The following GCLC variants were observed in gnomAD, a reference collection of about 807,000 sequenced individuals.
GCLC encodes the protein glutamate--cysteine ligase catalytic subunit.
In GCLC, 30 loss-of-function variants were observed where a neutral mutation model predicts 81.5. The observed-to-expected ratio is 0.37, with a 90% CI of 0.28 to 0.50. The LOEUF is 0.50. GCLC is among the 20% of genes least tolerant of loss of function. The probability of loss-of-function intolerance (pLI) is 0.96; values close to 1 mark genes in which losing one functional copy is unlikely to be tolerated. For synonymous variants in GCLC, 262 were observed against 273.3 expected, an observed-to-expected ratio of 0.96 and a Z score of 0.41; for missense variants, 556 against 777.4, an observed-to-expected ratio of 0.72 and a Z score of 3.39.
intron 3 of GCLC, among the ~76,000 whole-genome samples, chr6:53,518,049 T>C (rs1402529985): frequency 6.6e-6 from 1 of 152,212 alleles, no homozygotes; most frequent in Admixed American, 6.5e-5. Context: ...CTTTATCATT[T>C]ATTGTGGATG....
chr6:53,527,307 G>T (rs1031615050), intron 1 of GCLC, among the ~76,000 whole-genome samples: 5 of 152,212 alleles, frequency 3.3e-5, no homozygotes, highest in African/African-American at 1.2e-4. Flanking sequence ...TGGCTCTCTT[G>T]CAATGGCCCA....
chr6:53,508,488 A>G (rs1489929823), intron 8 of GCLC, 107 bp downstream of exon 8: 1 of 788,628 alleles, frequency 1.3e-6, no homozygotes, highest in Admixed American at 1.7e-5. Context: ...CTTTTTCCCC[A>G]TTTCAGATAA....
chr6:53,503,925 T>C (rs546447600), intron 12 of GCLC, among the ~76,000 whole-genome samples: 1 of 152,370 alleles, frequency 6.6e-6, no homozygotes, highest in African/African-American at 2.4e-5. Flanking sequence ...ACATCTGCTC[T>C]ACTGGTGAGA....
At position 53,519,574 on chromosome 6, in the gene GCLC, G is replaced by A. The variant is rs17879137; in HGVS notation, c.446+1204C>T. ...CAGCTCCACAGAGACAGAGCTGTCCGTCTTCACTCATGAGAGCATGCCCAT... is the reference window on the plus strand; with the variant it reads ...CAGCTCCACAGAGACAGAGCTGTCCATCTTCACTCATGAGAGCATGCCCAT... On this transcript the variant is annotated intron_variant, in intron 3 of 15. Coordinates refer to ENST00000650454, the MANE Select transcript of GCLC (RefSeq NM_001498.4). 1.9e-3 allele frequency among the ~76,000 whole-genome samples: 292 copies of A among 152,232 alleles called. 7 individuals carry two copies. In the East Asian group the frequency reaches 0.048, roughly 25 times the overall value.
chr6:53,522,525 C>T lies in GCLC; in HGVS notation c.153G>A (p.Val51=), dbSNP rs1379437614. 3.8e-6 allele frequency: 6 copies of T among 1,576,310 alleles called. No individual in the cohort carries two copies. Among genetic ancestry groups the T allele is most frequent in the Non-Finnish European group, 5.2e-6 (6 of 1,146,028 alleles). ...GATCAAAAGATACCAACATGTATTC[C>T]ACCTATTGAAAATAAAGGTGAGAAA... The part of the protein sequence containing the change: ...HKDVLKWGDE[V]EYMLVSFDHE... Residue 51 remains valine (V), a splice_region_variant and synonymous_variant, in exon 2 of 16, where the codon GTG becomes GTA. Transcript: ENST00000650454.
chr6:53,498,987 GAA>G lies in GCLC; in HGVS notation c.1703-22_1703-21del. ...GTTCTCCTGTGGGCGAGGGGGGAGC[GAA>G]AAAAAAATTAAAACCACGTAAGTTT... On this transcript the variant is annotated intron_variant, in intron 15 of 15. Coordinates refer to ENST00000650454, the MANE Select transcript of GCLC (RefSeq NM_001498.4). 1.3e-6 allele frequency: 2 copies of G among 1,492,966 alleles called. No individual in the cohort carries two copies. Among genetic ancestry groups the G allele is most frequent in the Non-Finnish European group, 1.8e-6 (2 of 1,087,068 alleles). The allele number at this position is 1,492,966 out of a possible 1,614,324, so 92.5% of individuals were successfully genotyped here. A position where few individuals can be genotyped will look rare whatever the true frequency, so the allele number is the denominator to read the frequency against.
intron 6 of GCLC, among the ~76,000 whole-genome samples, chr6:53,511,947 CT>C (rs535000790): frequency 0.032 from 3,583 of 113,502 alleles, 69 homozygotes; most frequent in African/African-American, 0.062. Context: ...GAACTTAGTG[CT>C]TTTTTTTTTT....
chr6:53,526,085 A>C (rs997742270), intron 1 of GCLC, among the ~76,000 whole-genome samples: 1 of 148,370 alleles, frequency 6.7e-6, no homozygotes, highest in Non-Finnish European at 1.5e-5. Flanking sequence ...ACCAGAATAA[A>C]AGTCATTAAT....
chr6:53,521,873 G>C (rs17886001), intron 2 of GCLC, among the ~76,000 whole-genome samples: 1,759 of 152,184 alleles, frequency 0.012, 34 homozygotes, highest in African/African-American at 0.04. Context: ...ACTCGGGAGG[G>C]TGAGGCAGGA....
chr6:53,533,132 T>G (rs1425882586), intron 1 of GCLC, among the ~76,000 whole-genome samples: 1 of 152,204 alleles, frequency 6.6e-6, no homozygotes, highest in Admixed American at 6.5e-5. Flanking sequence ...AAGTCATCAC[T>G]CATTCAGTTT....
In GCLC at chr6:53,506,016, A is replaced by G; in HGVS notation, c.1198-121T>C. On this transcript the variant is annotated intron_variant, in intron 10 of 15. Transcript: ENST00000650454. This position sits in a 1 kb window ranked among gnomAD's most constrained non-coding sequence, Gnocchi z 4.0. ...TGTCCATACCAAATTTCAATTGACAAAGACAAAAAGGTACAATTGAAGATT... is the reference window on the plus strand; with the variant it reads ...TGTCCATACCAAATTTCAATTGACAGAGACAAAAAGGTACAATTGAAGATT... 1.4e-6 allele frequency: 1 copy of G among 723,646 alleles called. No homozygotes were observed. Among genetic ancestry groups the G allele is most frequent in the African/African-American group, 1.7e-5 (1 of 57,438 alleles). 44.8% of individuals were successfully genotyped at this position (723,646 alleles called of 1,614,324 possible).
intron 1 of GCLC, among the ~76,000 whole-genome samples, chr6:53,522,950 T>G (rs17882613): frequency 1.3e-5 from 2 of 152,252 alleles, no homozygotes; most frequent in South Asian, 2.1e-4. Flanking sequence ...AGATTACACT[T>G]ACTTACTGGC....
rs527245202 is a variant in GCLC at position 53,515,484 on chromosome 6, G to A, written c.560+625C>T. Among the ~76,000 whole-genome samples the A allele has an allele frequency of 2.6e-5, 4 of 152,370 alleles. No homozygotes were observed. The South Asian group carries it at 6.2e-4, about 24-fold the overall frequency. ...AAGGCTCTGCACATAGCAAACGTGA[G>A]GGCCTGTTAAAGGAATGAACGCTGA... On this transcript the variant is annotated intron_variant, in intron 4 of 15. Transcript: ENST00000650454.
chr6:53,509,021 C>CT (rs1764680603), intron 7 of GCLC, among the ~76,000 whole-genome samples, 155 bp downstream of exon 7: 1 of 152,040 alleles, frequency 6.6e-6, no homozygotes, highest in Non-Finnish European at 1.5e-5. Context: ...TGTAGACTCT[C>CT]AGTTCATTAT....
Position 53,506,555 on chromosome 6 carries a change from AG to A in GCLC, c.1197+357del. The A allele has an allele frequency of 3.9e-6, 1 of 257,990 alleles. No individual in the cohort carries two copies. Among genetic ancestry groups the A allele is most frequent in the Non-Finnish European group, 7.5e-6 (1 of 133,788 alleles). The allele number at this position is 257,990 out of a possible 1,614,324, so 16.0% of individuals were successfully genotyped here. A position where few individuals can be genotyped will look rare whatever the true frequency, so the allele number is the denominator to read the frequency against. ...TGAGAAGTCTATCTACAAAAAAAAAAGGTGATATGTCTGAAGCACTGAAATA... is the reference window on the plus strand; with the variant it reads ...TGAGAAGTCTATCTACAAAAAAAAAAGTGATATGTCTGAAGCACTGAAATA... On this transcript the variant is annotated intron_variant, in intron 10 of 15. Transcript: ENST00000650454. This position sits in a 1 kb window ranked among gnomAD's most constrained non-coding sequence, Gnocchi z 4.0.
At chr6:53,539,151 T>C (rs1376383960) in intron 1 of GCLC, among the ~76,000 whole-genome samples, 1 of 152,218 alleles carries the variant, frequency 6.6e-6, no homozygotes, top group East Asian at 1.9e-4. Context: ...ACAAAACCCA[T>C]ATCTGAAAAG....
chr6:53,500,102 C>T lies in GCLC; in HGVS notation c.1645G>A (p.Val549Met), dbSNP rs1764478593. Residue 549 changes from valine (V) to methionine (M), a missense_variant, in exon 15 of 16, where the codon GTG (valine) becomes ATG (methionine). Val to Met is a conservative substitution (Grantham distance 21, BLOSUM62 1). This residue lies in a region of GCLC where 313 missense variants were observed against 437.3 expected (regional missense o/e 0.72). Coordinates refer to ENST00000650454, the MANE Select transcript of GCLC (RefSeq NM_001498.4). ...TTCAGAATACTACATCTGGTGTCCACATCCACTTCCATGTTTTCAAGGTAA... is the reference window on the plus strand; with the variant it reads ...TTCAGAATACTACATCTGGTGTCCATATCCACTTCCATGTTTTCAAGGTAA... ...NSYLENMEVDVDTRCSILNYL... is the reference protein window; with the variant it reads ...NSYLENMEVDMDTRCSILNYL... 1.2e-6 allele frequency: 2 copies of T among 1,610,206 alleles called. No individual in the cohort carries two copies. The highest frequency in any genetic ancestry group is 1.7e-6 in the Non-Finnish European group (2 of 1,176,432).
At chr6:53,533,871 T>C (rs1763214045) in intron 1 of GCLC, among the ~76,000 whole-genome samples, 1 of 151,796 alleles carries the variant, frequency 6.6e-6, no homozygotes, top group African/African-American at 2.4e-5. Flanking sequence ...CTCAGGTCAC[T>C]GCAACCTCTG....
rs920408356 is a variant in GCLC, at chr6:53,498,016, T to C, written c.*740A>G. 6.7e-6 allele frequency: 1 copy of C among 149,716 alleles called. No individual in the cohort carries two copies. The highest frequency in any genetic ancestry group is 1.5e-5 in the Non-Finnish European group (1 of 67,504). The allele number at this position is 149,716 out of a possible 1,614,324, so 9.3% of individuals were successfully genotyped here. On this transcript the variant is annotated 3_prime_UTR_variant, in exon 16 of 16. Coordinates refer to ENST00000650454, the MANE Select transcript of GCLC (RefSeq NM_001498.4). ...CAACTTTTTTAGTTAAAAAAAAAAATTGTCCTTAATAATCACTACATGTGA... is the reference window on the plus strand; with the variant it reads ...CAACTTTTTTAGTTAAAAAAAAAAACTGTCCTTAATAATCACTACATGTGA...
Sources: gnomAD v4.1 joint callset for allele counts (sites outside exome capture counted in the v4.1 genomes callset) on GRCh38, gnomAD v4.1.1 for gene constraint, gnomAD v4.1.1 regional missense constraint, Gnocchi (gnomAD v3.1) non-coding constraint, MANE v1.5 for transcripts, NCBI Gene and HGNC (gene_info 2026-07-23, HGNC 2026-07-21) for gene names.